Variants in ABLIM1 observed in about 807,000 individuals in gnomAD.
ABLIM1 encodes the protein actin-binding LIM protein 1.
A neutral mutation model predicts 107.0 loss-of-function variants in ABLIM1; 40 were observed. The ratio of observed to expected loss-of-function variants is 0.37; its 90% CI spans 0.29 to 0.49. ABLIM1 has a LOEUF of 0.49. ABLIM1 is among the 20% of genes least tolerant of loss of function. The probability of loss-of-function intolerance (pLI) is 0.97; values close to 1 mark genes in which losing one functional copy is unlikely to be tolerated. For synonymous variants in ABLIM1, 357 were observed against 357.3 expected, an observed-to-expected ratio of 1.00 and a Z score of 0.01; for missense variants, 857 against 1,008.5, an observed-to-expected ratio of 0.85 and a Z score of 2.04.
At chr10:114,564,950 A>C (rs1053712663) in intron 4 of ABLIM1, among the ~76,000 whole-genome samples, 11 of 152,194 alleles carry the variant, frequency 7.2e-5, no homozygotes, top group Non-Finnish European at 1.5e-4. Context: ...TAAGCACCCA[A>C]TTTTTATTAA....
At chr10:114,627,894 G>A (rs1030268771) in intron 1 of ABLIM1, among the ~76,000 whole-genome samples, 8 of 152,104 alleles carry the variant, frequency 5.3e-5, no homozygotes, top group Admixed American at 1.3e-4. Context: ...AGGCCGAGGC[G>A]GGTGGATCAC....
At chr10:114,566,203 T>C (rs1183460310) in intron 4 of ABLIM1, among the ~76,000 whole-genome samples, 6 of 152,306 alleles carry the variant, frequency 3.9e-5, no homozygotes, top group African/African-American at 1.4e-4. Context: ...AAGAGAAAGA[T>C]GAGCCTGCAT....
intron 13 of ABLIM1, among the ~76,000 whole-genome samples, chr10:114,451,877 G>A (rs2061970211): frequency 6.6e-6 from 1 of 152,172 alleles, no homozygotes; most frequent in East Asian, 1.9e-4. Flanking sequence ...GGAAGCCTTT[G>A]TAATACATCT....
intron 6 of ABLIM1, among the ~76,000 whole-genome samples, chr10:114,512,891 GGAAGGAAGGAAGGAAGGAAAGAAAGAGA>G (rs1565725646): frequency 6.7e-6 from 1 of 148,558 alleles, no homozygotes; most frequent in Non-Finnish European, 1.5e-5. Context: ...AAGGAAGGAA[GGAAGGAAGGAAGGAAGGAAAGAAAGAGA>G]GAAAGAAAGA....
chr10:114,681,451 T>A (rs2080746159), intron 1 of ABLIM1, among the ~76,000 whole-genome samples: 2 of 152,156 alleles, frequency 1.3e-5, no homozygotes, highest in South Asian at 4.1e-4. Flanking sequence ...CGCCTCAGCC[T>A]CCCAAAGTGC....
At chr10:114,496,255 A>C (rs1160365366) in intron 6 of ABLIM1, among the ~76,000 whole-genome samples, 2 of 152,226 alleles carry the variant, frequency 1.3e-5, no homozygotes, top group Non-Finnish European at 2.9e-5. Flanking sequence ...ATGTGGCAGG[A>C]CTTCGCTCTA....
In ABLIM1 at chr10:114,448,001, G is replaced by C. The variant is rs2061290245; in HGVS notation, c.1614C>G (p.Ser538Arg). ...ACTTGATGATATCTTCTGAGGACTT[G>C]CTCTGGGCTGCCAAGGCAGCTGCAT... is the stretch of plus-strand genomic sequence containing the variant. Reference protein sequence around the residue: ...YKQHAALAAQSKSSEDIIKFS... With the variant: ...YKQHAALAAQRKSSEDIIKFS... Residue 538 changes from serine (S) to arginine (R), a missense_variant, in exon 15 of 23, where the codon AGC becomes AGG. Coordinates refer to ENST00000533213, the MANE Select transcript of ABLIM1 (RefSeq NM_002313.7). The C allele has an allele frequency of 6.2e-7, 1 of 1,614,000 alleles. No homozygotes were observed. Among genetic ancestry groups the C allele is most frequent in the African/African-American group, 1.3e-5 (1 of 74,904 alleles).
chr10:114,750,962 T>C (rs769388252), intron 1 of ABLIM1, among the ~76,000 whole-genome samples: 26 of 152,202 alleles, frequency 1.7e-4, no homozygotes, highest in Non-Finnish European at 3.4e-4. Context: ...TTCTGAAGAC[T>C]GAAGTGCTTA....
At position 114,432,321 on chromosome 10, in the gene ABLIM1, G is replaced by C. The variant is rs904653879; in HGVS notation, c.*3939C>G. The C allele has an allele frequency of 6.6e-6, 1 of 152,196 alleles. No homozygotes were observed. The highest frequency in any genetic ancestry group is 2.4e-5 in the African/African-American group (1 of 41,442). 9.4% of individuals were successfully genotyped at this position (152,196 alleles called of 1,614,324 possible). On this transcript the variant is annotated 3_prime_UTR_variant, in exon 23 of 23. Coordinates refer to ENST00000533213, the MANE Select transcript of ABLIM1 (RefSeq NM_002313.7). The stretch of plus-strand genomic sequence containing the variant: ...TGAGATTGCTTCAGAGGACACAGGA[G>C]GGTTGATGAGACAGTCTATTTTCCT...
chr10:114,436,455 T>A, intron 22 of ABLIM1, 82 bp from the exon 23 acceptor site: 1 of 1,017,916 alleles, frequency 9.8e-7, no homozygotes, highest in Non-Finnish European at 1.5e-6. Context: ...CTATAGTTTA[T>A]ACAGAGTCAT....
chr10:114,495,994 T>C (rs2059614296), intron 6 of ABLIM1, among the ~76,000 whole-genome samples: 1 of 152,170 alleles, frequency 6.6e-6, no homozygotes, highest in African/African-American at 2.4e-5. Flanking sequence ...GTGTGACACA[T>C]TGCACAAAGT....
At chr10:114,463,139 C>A (rs1193597680) in intron 12 of ABLIM1, 53 of 1,310,814 alleles carry the variant, frequency 4.0e-5, no homozygotes, top group Non-Finnish European at 4.9e-5. Context: ...GGTACGACAA[C>A]CTCTGCACAC....
At chr10:114,657,928 C>A (rs1212715400) in intron 1 of ABLIM1, 29 bp downstream of exon 1, 1 of 1,571,068 alleles carries the variant, frequency 6.4e-7, no homozygotes, top group Middle Eastern at 1.7e-4. Flanking sequence ...AAACACAAAA[C>A]CATGTCCAGA....
intron 14 of ABLIM1, among the ~76,000 whole-genome samples, chr10:114,449,810 T>C (rs1213190260): frequency 1.3e-5 from 2 of 152,218 alleles, no homozygotes; most frequent in Non-Finnish European, 2.9e-5. Flanking sequence ...GACACCAGTT[T>C]TGGGCATAAC....
intron 12 of ABLIM1, among the ~76,000 whole-genome samples, chr10:114,460,888 C>T (rs1404345717): frequency 6.6e-6 from 1 of 152,196 alleles, no homozygotes; most frequent in African/African-American, 2.4e-5. Context: ...ACACTTTGTG[C>T]TGTGTTATTT....
chr10:114,727,714 G>A (rs1194930209), intron 1 of ABLIM1, among the ~76,000 whole-genome samples: 1 of 152,176 alleles, frequency 6.6e-6, no homozygotes, highest in African/African-American at 2.4e-5. Flanking sequence ...CAGCACTTTG[G>A]GAGGCCAAGG....
intron 1 of ABLIM1, among the ~76,000 whole-genome samples, chr10:114,604,858 G>A (rs979495593): frequency 6.6e-6 from 1 of 152,150 alleles, no homozygotes; most frequent in Non-Finnish European, 1.5e-5. Context: ...TAATGATGAG[G>A]GAAGGAAAAT....
At chr10:114,675,411 T>C (rs2080436817) in intron 1 of ABLIM1, among the ~76,000 whole-genome samples, 1 of 152,198 alleles carries the variant, frequency 6.6e-6, no homozygotes, top group African/African-American at 2.4e-5. Context: ...CTGATGGTTT[T>C]ATAAAGGGCA....
chr10:114,743,114 G>A (rs948366417), intron 1 of ABLIM1, among the ~76,000 whole-genome samples: 1 of 152,092 alleles, frequency 6.6e-6, no homozygotes, highest in African/African-American at 2.4e-5. Context: ...TTATATTTGA[G>A]GGTATAAGTA....
Sources: allele counts gnomAD v4.1 joint callset (sites outside exome capture counted in the v4.1 genomes callset), GRCh38; gene constraint gnomAD v4.1.1; transcripts MANE v1.5; gene names NCBI Gene and HGNC (gene_info 2026-07-23, HGNC 2026-07-21).